RPGRIP1L: variants seen among roughly 807,000 people sequenced by gnomAD.
RPGRIP1L encodes RPGRIP1 like.
RPGRIP1L carries 131 observed loss-of-function variants against 160.4 expected under a neutral mutation model. That is an observed-to-expected ratio of 0.82 (90% CI 0.71 to 0.94). The LOEUF (loss-of-function observed/expected upper bound fraction) is 0.94, where lower values mean the gene tolerates loss of function less well. RPGRIP1L is among the 40% of genes least tolerant of loss of function. The pLI, the probability that RPGRIP1L is intolerant of heterozygous loss-of-function variation, is 0.00. For synonymous variants in RPGRIP1L, 510 were observed against 515.8 expected (o/e 0.99, Z 0.15); for missense variants, 1,522 against 1,535.8 (o/e 0.99, Z 0.15).
In RPGRIP1L at chr16:53,700,651, C is replaced by G. The variant is rs936558765; in HGVS notation, c.73G>C (p.Gly25Arg). Residue 25 changes from glycine to arginine, a missense_variant, in exon 2 of 27, where the codon GGA becomes CGA. Gly to Arg is a moderately radical substitution (Grantham distance 125). Coordinates refer to ENST00000647211, the MANE Select transcript of RPGRIP1L (RefSeq NM_015272.5). ...KDTGLNLFGM[G>R]GLQETSTTRT... is the part of the protein sequence containing the mutation. ...CAGCTGGCCATACCTTGTAACCCTC[C>G]CATTCCAAAGAGGTTTAGACCTGTA... 22 of 1,612,070 alleles carry G rather than the reference C, an allele frequency of 1.4e-5. No homozygotes were observed. Among genetic ancestry groups the G allele is most frequent in the Non-Finnish European group, 1.9e-5 (22 of 1,178,680 alleles).
chr16:53,667,836 A>G (rs367697002), intron 9 of RPGRIP1L, among the ~76,000 whole-genome samples: 36 of 151,880 alleles, frequency 2.4e-4, no homozygotes, highest in African/African-American at 8.0e-4. Flanking sequence ...CCATGCCACT[A>G]TGCTCCAGCC....
chr16:53,646,833 T>C (rs1966581850), intron 16 of RPGRIP1L, among the ~76,000 whole-genome samples: 1 of 152,176 alleles, frequency 6.6e-6, no homozygotes, highest in Non-Finnish European at 1.5e-5. Flanking sequence ...GAGAAGTTTA[T>C]TGGAGGAGGA....
chr16:53,648,743 G>A (rs1966754228), intron 16 of RPGRIP1L, among the ~76,000 whole-genome samples: 1 of 151,554 alleles, frequency 6.6e-6, no homozygotes, highest in African/African-American at 2.4e-5. Context: ...TTATTCTATA[G>A]TTATGCAAGA....
At chr16:53,701,395 C>T (rs1567903157) in intron 1 of RPGRIP1L, among the ~76,000 whole-genome samples, 1 of 151,786 alleles carries the variant, frequency 6.6e-6, no homozygotes, top group Admixed American at 6.6e-5. Flanking sequence ...AGGTCTCACC[C>T]AGGGTTCAAC....
At chr16:53,605,743 A>G in intron 25 of RPGRIP1L, 129 bp from the exon 26 acceptor site, 1 of 902,390 alleles carries the variant, frequency 1.1e-6, no homozygotes, top group South Asian at 1.4e-5. Context: ...ATAAAAAGAA[A>G]GGTACACTAG....
intron 23 of RPGRIP1L, among the ~76,000 whole-genome samples, chr16:53,620,173 A>T (rs2150967435): frequency 6.6e-6 from 1 of 152,312 alleles, no homozygotes; most frequent in East Asian, 1.9e-4. Context: ...GTTAAATTTA[A>T]ATCAGTGTGT....
At chr16:53,657,365 A>G (rs1264668238) in intron 13 of RPGRIP1L, 88 bp downstream of exon 13, 1 of 861,806 alleles carries the variant, frequency 1.2e-6, no homozygotes, top group Non-Finnish European at 1.9e-6. Context: ...ATGTTAATAG[A>G]TAACAGGTGA....
chr16:53,620,571 T>C (rs984451335), intron 23 of RPGRIP1L, among the ~76,000 whole-genome samples: 6 of 152,304 alleles, frequency 3.9e-5, no homozygotes, highest in East Asian at 3.9e-4. Flanking sequence ...GGAAAATTTT[T>C]TCTAAAACCT....
intron 6 of RPGRIP1L, among the ~76,000 whole-genome samples, chr16:53,683,553 C>T (rs1326048677): frequency 6.6e-6 from 1 of 151,622 alleles, no homozygotes; most frequent in Non-Finnish European, 1.5e-5. Context: ...GACATGATAT[C>T]TGGCTGGGGA....
intron 24 of RPGRIP1L, among the ~76,000 whole-genome samples, chr16:53,612,800 T>C (rs1598222712): frequency 6.6e-6 from 1 of 152,356 alleles, no homozygotes; most frequent in East Asian, 1.9e-4. Flanking sequence ...TTCAGTTTAG[T>C]GGCATTAAAT....
At chr16:53,683,083 A>C (rs952396434) in intron 6 of RPGRIP1L, among the ~76,000 whole-genome samples, 48 of 151,914 alleles carry the variant, frequency 3.2e-4, no homozygotes, top group Non-Finnish European at 6.0e-4. Flanking sequence ...TTTTTAGCCC[A>C]CTTTTTTTTT....
chr16:53,679,072 CA>C (rs1969417718), intron 6 of RPGRIP1L, among the ~76,000 whole-genome samples: 1 of 152,176 alleles, frequency 6.6e-6, no homozygotes, highest in Admixed American at 6.5e-5. Context: ...TAGGTGAAAA[CA>C]GTGCTCTCTG....
chr16:53,626,432 C>CT (rs1346455867), intron 22 of RPGRIP1L, among the ~76,000 whole-genome samples: 1 of 152,128 alleles, frequency 6.6e-6, no homozygotes, highest in Non-Finnish European at 1.5e-5. Context: ...TAAGATGCTT[C>CT]TTCTCAGTTC....
At chr16:53,610,254 T>C (rs776537385) in intron 25 of RPGRIP1L, among the ~76,000 whole-genome samples, 37 of 152,120 alleles carry the variant, frequency 2.4e-4, no homozygotes, top group Non-Finnish European at 2.9e-4. Flanking sequence ...GAAAATTATA[T>C]ACATGTATTT....
At position 53,607,470 on chromosome 16, in the gene RPGRIP1L, T is replaced by G. The variant is rs151261168; in HGVS notation, c.3702-1856A>C. On this transcript the variant is annotated intron_variant, in intron 25 of 26. Coordinates refer to ENST00000647211, the MANE Select transcript of RPGRIP1L (RefSeq NM_015272.5). ...GATTATGAAAGAAGTTTTCCTAAAA[T>G]GAATTAGGAAAAGAGGAAGAATTAA... 2.4e-3 allele frequency among the ~76,000 whole-genome samples: 365 copies of G among 152,196 alleles called. 1 individual carries two copies. Among genetic ancestry groups the G allele is most frequent in the African/African-American group, 8.3e-3 (345 of 41,526 alleles).
intron 2 of RPGRIP1L, among the ~76,000 whole-genome samples, chr16:53,698,962 G>C (rs1971135805): frequency 6.6e-6 from 1 of 152,210 alleles, no homozygotes; most frequent in South Asian, 2.1e-4. Context: ...GAAAGGTGGG[G>C]AAAAGATTGA....
intron 7 of RPGRIP1L, 63 bp from the exon 8 acceptor site, chr16:53,673,079 A>G (rs1598375876): frequency 7.0e-7 from 1 of 1,436,166 alleles, no homozygotes; most frequent in East Asian, 2.3e-5. Flanking sequence ...ATTTGACTAA[A>G]TGATTTGACT....
Position 53,680,344 on chromosome 16 carries a change from C to T in RPGRIP1L, c.777-5222G>A, listed in dbSNP as rs537104284. On this transcript the variant is annotated intron_variant, in intron 6 of 26. Coordinates refer to ENST00000647211, the MANE Select transcript of RPGRIP1L (RefSeq NM_015272.5). Reference sequence around the variant, plus strand: ...GCATGGCTATCCCTGGTCCCAGTTACCCCTCCATCAGAGAACCAGATGTGC... The same window carrying T: ...GCATGGCTATCCCTGGTCCCAGTTATCCCTCCATCAGAGAACCAGATGTGC... Among the ~76,000 whole-genome samples the T allele has an allele frequency of 3.9e-5, 6 of 152,188 alleles. No homozygotes were observed. In the East Asian group the frequency reaches 9.7e-4, roughly 25 times the overall value.
At chr16:53,620,972 C>T (rs1964673017) in intron 23 of RPGRIP1L, among the ~76,000 whole-genome samples, 1 of 152,032 alleles carries the variant, frequency 6.6e-6, no homozygotes, top group Non-Finnish European at 1.5e-5. Context: ...GCAATAACAT[C>T]TTATACAACA....
Sources: gnomAD v4.1 joint callset for allele counts (sites outside exome capture counted in the v4.1 genomes callset) on GRCh38, gnomAD v4.1.1 for gene constraint, MANE v1.5 for transcripts, NCBI Gene and HGNC (gene_info 2026-07-23, HGNC 2026-07-21) for gene names.